The following SAMD5 variants were observed in gnomAD, a reference collection of about 807,000 sequenced individuals.
SAMD5 encodes the protein sterile alpha motif domain containing 5.
In SAMD5, 13 loss-of-function variants were observed where a neutral mutation model predicts 11.3. The observed-to-expected ratio is 1.15, with a 90% confidence interval of 0.75 to 1.83. SAMD5 has a LOEUF of 1.83. SAMD5 is among the 40% of genes most tolerant of loss of function. SAMD5 has a pLI of 0.00. For missense variants in SAMD5, 255 were observed against 239.1 expected, an observed-to-expected ratio of 1.07 and a Z score of -0.44; for synonymous variants, 129 against 111.3, an observed-to-expected ratio of 1.16 and a Z score of -1.00.
chr6:147,883,855 CCTAA>C, the SAMD5 span, among the ~76,000 whole-genome samples: 3 of 152,120 alleles, frequency 2.0e-5, no homozygotes, highest in East Asian at 5.8e-4. Context: ...TTTGCCTCTT[CCTAA>C]CTGAGAACCA....
the SAMD5 span, among the ~76,000 whole-genome samples, chr6:147,854,744 T>C: frequency 6.6e-6 from 1 of 152,204 alleles, no homozygotes; most frequent in African/African-American, 2.4e-5. Flanking sequence ...TCCTTGGTAC[T>C]AAAGAAGCAG....
the SAMD5 span, among the ~76,000 whole-genome samples, chr6:147,936,999 T>C: frequency 3.9e-5 from 6 of 152,176 alleles, no homozygotes; most frequent in Non-Finnish European, 7.4e-5. Context: ...GGAAGAAAGA[T>C]ACATGGTGTC....
intron 1 of SAMD5, among the ~76,000 whole-genome samples, chr6:147,679,107 T>C (rs1338848079): frequency 1.2e-4 from 14 of 120,088 alleles, no homozygotes; most frequent in Non-Finnish European, 2.0e-5. Context: ...AGTTTGTGAT[T>C]ATTACAAATA....
At chr6:147,815,781 C>T in the SAMD5 span, among the ~76,000 whole-genome samples, 1 of 151,960 alleles carries the variant, frequency 6.6e-6, no homozygotes, top group African/African-American at 2.4e-5. Context: ...TGAGCCCCCT[C>T]CCAGGAGTCA....
chr6:147,712,886 A>G (rs1791419440), intron 1 of SAMD5, among the ~76,000 whole-genome samples: 1 of 152,150 alleles, frequency 6.6e-6, no homozygotes. Flanking sequence ...AATCCTACTC[A>G]TACAAAAAGG....
chr6:147,721,346 C>T (rs1791549296), intron 1 of SAMD5, among the ~76,000 whole-genome samples: 1 of 151,656 alleles, frequency 6.6e-6, no homozygotes, highest in Non-Finnish European at 1.5e-5. Context: ...TTCTCCACAT[C>T]CTCTCCAGCA....
intron 1 of SAMD5, among the ~76,000 whole-genome samples, chr6:147,614,266 G>A (rs909162233): frequency 7.2e-5 from 11 of 151,776 alleles, no homozygotes; most frequent in Non-Finnish European, 1.3e-4. Flanking sequence ...TCAGGAGTTC[G>A]AGACCAGCCT....
intron 1 of SAMD5, among the ~76,000 whole-genome samples, chr6:147,595,478 A>G (rs930975938): frequency 2.0e-5 from 3 of 149,810 alleles, no homozygotes; most frequent in African/African-American, 7.4e-5. Context: ...TGTGCCCTGG[A>G]CTATCCCCAC....
At chr6:147,940,117 G>C in the SAMD5 span, among the ~76,000 whole-genome samples, 3 of 151,836 alleles carry the variant, frequency 2.0e-5, no homozygotes, top group African/African-American at 4.8e-5. Flanking sequence ...TGTGGGTAAA[G>C]TATATAGCTA....
the SAMD5 span, among the ~76,000 whole-genome samples, chr6:147,954,247 A>G: frequency 7.9e-5 from 12 of 152,336 alleles, no homozygotes; most frequent in South Asian, 2.5e-3. Context: ...AAAATAATCT[A>G]TACTCCTGCA....
At chr6:147,529,030 A>C (rs1301260735) in intron 1 of SAMD5, among the ~76,000 whole-genome samples, 3 of 152,206 alleles carry the variant, frequency 2.0e-5, no homozygotes, top group Admixed American at 1.3e-4. Context: ...AATCTAACAT[A>C]ACAGTGTTTC....
chr6:147,618,395 G>A (rs1171488746), intron 1 of SAMD5, among the ~76,000 whole-genome samples: 2 of 152,156 alleles, frequency 1.3e-5, no homozygotes, highest in South Asian at 2.1e-4. Flanking sequence ...GAGTAGTGGG[G>A]CAACATGAGG....
At chr6:147,513,883 A>G (rs1464515351) in intron 1 of SAMD5, among the ~76,000 whole-genome samples, 3 of 152,178 alleles carry the variant, frequency 2.0e-5, no homozygotes, top group African/African-American at 7.2e-5. Flanking sequence ...AGTGGTAACC[A>G]TGCCGTCGAG....
chr6:147,919,559 G>A, the SAMD5 span, among the ~76,000 whole-genome samples: 6 of 152,120 alleles, frequency 3.9e-5, no homozygotes, highest in Non-Finnish European at 7.3e-5. Context: ...GAATATTCAT[G>A]TGTTGCCACT....
At chr6:147,579,415 G>A (rs932527797) in intron 1 of SAMD5, among the ~76,000 whole-genome samples, 1 of 149,832 alleles carries the variant, frequency 6.7e-6, no homozygotes, top group Non-Finnish European at 1.5e-5. Flanking sequence ...AAGAATAAAA[G>A]CGAAGATATG....
At chr6:147,600,263 C>T (rs994883134) in intron 1 of SAMD5, among the ~76,000 whole-genome samples, 1 of 152,120 alleles carries the variant, frequency 6.6e-6, no homozygotes, top group African/African-American at 2.4e-5. Context: ...TCTCCCTGAC[C>T]CCTCGTCTCC....
intron 1 of SAMD5, among the ~76,000 whole-genome samples, chr6:147,646,471 G>C (rs1416823935): frequency 1.3e-5 from 2 of 152,136 alleles, no homozygotes; most frequent in Admixed American, 1.3e-4. Flanking sequence ...CGATTGGCCT[G>C]TTTATGTCTC....
At chr6:147,866,674 C>A in the SAMD5 span, among the ~76,000 whole-genome samples, 1 of 152,166 alleles carries the variant, frequency 6.6e-6, no homozygotes, top group East Asian at 1.9e-4. Flanking sequence ...CTCTTTTACC[C>A]ACTCAATTTC....
intron 1 of SAMD5, among the ~76,000 whole-genome samples, chr6:147,637,874 T>TC (rs1790253936): frequency 6.8e-6 from 1 of 147,444 alleles, no homozygotes; most frequent in Non-Finnish European, 1.5e-5. Context: ...TTTTTTTTTT[T>TC]CATTTTAAAC....
Sources: gnomAD v4.1 joint callset for allele counts (sites outside exome capture counted in the v4.1 genomes callset) on GRCh38, gnomAD v4.1.1 for gene constraint, MANE v1.5 for transcripts, NCBI Gene and HGNC (gene_info 2026-07-23, HGNC 2026-07-21) for gene names.